The following ADAMTSL3 variants were observed in gnomAD, a reference collection of about 807,000 sequenced individuals.
ADAMTSL3 encodes ADAMTS-like protein 3.
Under a neutral mutation model 201.7 loss-of-function variants are expected in ADAMTSL3, and 128 were observed. The observed-to-expected ratio is 0.63, with a 90% confidence interval of 0.55 to 0.73. ADAMTSL3 has a LOEUF of 0.73. ADAMTSL3 is among the 30% of genes least tolerant of loss of function. ADAMTSL3 has a pLI of 0.00. For missense variants in ADAMTSL3, 1,990 were observed against 2,119.6 expected, an observed-to-expected ratio of 0.94 and a Z score of 1.20; for synonymous variants, 738 against 748.4, an observed-to-expected ratio of 0.99 and a Z score of 0.23.
intron 4 of ADAMTSL3, 123 bp from the exon 5 acceptor site, chr15:83,804,527 A>T (rs2063572829): frequency 1.6e-6 from 1 of 632,310 alleles, no homozygotes; most frequent in African/African-American, 2.0e-5. Flanking sequence ...CTTTGGGGTA[A>T]TGTGCACTAG....
chr15:83,786,329 A>G (rs1234217581), intron 4 of ADAMTSL3, among the ~76,000 whole-genome samples: 3 of 152,174 alleles, frequency 2.0e-5, no homozygotes, highest in South Asian at 2.1e-4. Flanking sequence ...GTTTATTTTT[A>G]TGGGTACATA....
At chr15:83,787,571 C>G (rs891254365) in intron 4 of ADAMTSL3, among the ~76,000 whole-genome samples, 4 of 152,072 alleles carry the variant, frequency 2.6e-5, no homozygotes, top group African/African-American at 9.7e-5. Flanking sequence ...CCAAATGACT[C>G]ATGTAGGCTT....
chr15:83,821,844 C>A (rs1442980593), intron 6 of ADAMTSL3, among the ~76,000 whole-genome samples: 1 of 151,122 alleles, frequency 6.6e-6, no homozygotes, highest in Non-Finnish European at 1.5e-5. Flanking sequence ...CCTCACCTCC[C>A]GGACGGGGCG....
chr15:83,846,970 C>G (rs1453690214), intron 7 of ADAMTSL3, among the ~76,000 whole-genome samples: 2 of 152,202 alleles, frequency 1.3e-5, no homozygotes, highest in East Asian at 3.8e-4. Context: ...AGCACAGAGG[C>G]ATACATTATT....
At chr15:83,986,643 A>T (rs921716294) in intron 21 of ADAMTSL3, among the ~76,000 whole-genome samples, 2 of 152,228 alleles carry the variant, frequency 1.3e-5, no homozygotes, top group Non-Finnish European at 2.9e-5. Flanking sequence ...ATCTTTAAAT[A>T]TACTTTCTGA....
chr15:83,903,917 C>CAAAAAAAAAAAAAAAA (rs1168502648), intron 15 of ADAMTSL3, among the ~76,000 whole-genome samples: 12 of 19,270 alleles, frequency 6.2e-4, no homozygotes, highest in Non-Finnish European at 8.0e-4. Flanking sequence ...GACTCCACAT[C>CAAAAAAAAAAAAAAAA]AAAAAAAAAA....
At position 83,982,521 on chromosome 15, in the gene ADAMTSL3, G is replaced by A; in HGVS notation, c.2893G>A (p.Gly965Ser). 6.2e-7 allele frequency: 1 copy of A among 1,614,190 alleles called. No homozygotes were observed. Among genetic ancestry groups the A allele is most frequent in the South Asian group, 1.1e-5 (1 of 91,080 alleles). Reference protein sequence around the residue: ...NSKRLGITKSGSLKIHGLAAP... With the variant: ...NSKRLGITKSSSLKIHGLAAP... ...CAAACGGCTTGGCATCACCAAGTCA[G>A]GCTCACTAAAAATCCATGGTCTTGC... Residue 965 changes from glycine to serine, a missense_variant, in exon 21 of 30, where the codon GGC (glycine) becomes AGC (serine). By Grantham distance (56) the Gly-to-Ser change is moderately conservative. Transcript: ENST00000286744.
chr15:84,012,553 C>T (rs1370448752), intron 23 of ADAMTSL3, among the ~76,000 whole-genome samples: 3 of 152,178 alleles, frequency 2.0e-5, no homozygotes, highest in African/African-American at 7.2e-5. Flanking sequence ...CCATATGTCC[C>T]TGACAGCTTC....
chr15:84,008,537 G>C (rs1352697283), intron 23 of ADAMTSL3, among the ~76,000 whole-genome samples: 3 of 152,080 alleles, frequency 2.0e-5, no homozygotes, highest in Non-Finnish European at 4.4e-5. Context: ...AGCCTCCTTT[G>C]TCCCACCTCT....
At chr15:83,732,076 T>C (rs1596106607) in intron 3 of ADAMTSL3, among the ~76,000 whole-genome samples, 1 of 152,088 alleles carries the variant, frequency 6.6e-6, no homozygotes, top group African/African-American at 2.4e-5. Context: ...AGGAGATGGA[T>C]ATGTTAATTT....
At chr15:83,860,216 AAAT>A (rs1293739836) in intron 8 of ADAMTSL3, among the ~76,000 whole-genome samples, 1 of 152,196 alleles carries the variant, frequency 6.6e-6, no homozygotes, top group Non-Finnish European at 1.5e-5. Context: ...CATGTCTCTA[AAAT>A]AATAATAGTA....
chr15:84,005,607 T>A (rs2067879631), intron 23 of ADAMTSL3, among the ~76,000 whole-genome samples: 1 of 152,210 alleles, frequency 6.6e-6, no homozygotes, highest in South Asian at 2.1e-4. Flanking sequence ...GTGGTGCTCA[T>A]GAGATATGTC....
chr15:83,662,521 GTAAC>G (rs1170988740), intron 2 of ADAMTSL3, among the ~76,000 whole-genome samples: 2 of 146,852 alleles, frequency 1.4e-5, no homozygotes, highest in Admixed American at 7.0e-5. Flanking sequence ...GTATACGTAT[GTAAC>G]TAACCTGCAC....
chr15:83,909,728 C>T (rs1293008379), intron 15 of ADAMTSL3, among the ~76,000 whole-genome samples: 1 of 152,020 alleles, frequency 6.6e-6, no homozygotes, highest in African/African-American at 2.4e-5. Context: ...GATTCTCCTG[C>T]CTCAGCCTCC....
chr15:83,932,034 C>T (rs565535545), intron 17 of ADAMTSL3, among the ~76,000 whole-genome samples: 4 of 152,184 alleles, frequency 2.6e-5, no homozygotes, highest in South Asian at 2.1e-4. Flanking sequence ...AAATCAGGGA[C>T]GATAAGAAAA....
At chr15:83,810,775 A>G (rs761271095) in intron 5 of ADAMTSL3, among the ~76,000 whole-genome samples, 6 of 152,034 alleles carry the variant, frequency 3.9e-5, no homozygotes, top group South Asian at 2.1e-4. Flanking sequence ...GTCTCACTCT[A>G]TCACCCAGGC....
intron 16 of ADAMTSL3, among the ~76,000 whole-genome samples, chr15:83,916,580 G>A (rs111894654): frequency 5.3e-5 from 8 of 152,132 alleles, no homozygotes; most frequent in African/African-American, 1.9e-4. Context: ...TGAGATTAAA[G>A]TTCCTTATAA....
chr15:84,029,158 G>A (rs753444082), intron 27 of ADAMTSL3, among the ~76,000 whole-genome samples: 13 of 152,172 alleles, frequency 8.5e-5, no homozygotes, highest in Non-Finnish European at 1.5e-4. Context: ...ATGTGGAAGC[G>A]ACTTTGGAAC....
chr15:83,873,042 T>C lies in ADAMTSL3; in HGVS notation c.960+2083T>C, dbSNP rs1281138272. ...GAATGTGGCTGGGCGTGGTGGCTCATGCCTGTAATCCCAGCACTTAGGGAG... is the reference window on the plus strand; with the variant it reads ...GAATGTGGCTGGGCGTGGTGGCTCACGCCTGTAATCCCAGCACTTAGGGAG... On this transcript the variant is annotated intron_variant, in intron 9 of 29. Coordinates refer to ENST00000286744, the MANE Select transcript of ADAMTSL3 (RefSeq NM_207517.3). Among the ~76,000 whole-genome samples the C allele has an allele frequency of 1.4e-5, 2 of 145,578 alleles. 1 individual carries two copies. Among genetic ancestry groups the C allele is most frequent in the African/African-American group, 5.2e-5 (2 of 38,126 alleles).
Sources: gnomAD v4.1 joint callset for allele counts (sites outside exome capture counted in the v4.1 genomes callset) on GRCh38, gnomAD v4.1.1 for gene constraint, MANE v1.5 for transcripts, NCBI Gene and HGNC (gene_info 2026-07-23, HGNC 2026-07-21) for gene names.